The following PABPC4L variants were observed in gnomAD, a reference collection of about 807,000 sequenced individuals.
PABPC4L encodes the protein polyadenylate-binding protein 4-like.
For synonymous variants in PABPC4L, 169 were observed against 164.1 expected, an observed-to-expected ratio of 1.03 and a Z score of -0.23; for missense variants, 452 against 451.4, an observed-to-expected ratio of 1.00 and a Z score of -0.01.
At chr4:134,137,621 T>C in the PABPC4L span, among the ~76,000 whole-genome samples, 1 of 151,934 alleles carries the variant, frequency 6.6e-6, no homozygotes, top group African/African-American at 2.4e-5. Flanking sequence ...AGTTCTTTTT[T>C]ATTCCTTATT....
chr4:134,055,886 C>G, the PABPC4L span, among the ~76,000 whole-genome samples: 1 of 151,892 alleles, frequency 6.6e-6, no homozygotes, highest in Non-Finnish European at 1.5e-5. Context: ...AGACTAAGTA[C>G]TCTGCCTAGC....
At chr4:134,117,862 A>T in the PABPC4L span, among the ~76,000 whole-genome samples, 3 of 151,830 alleles carry the variant, frequency 2.0e-5, no homozygotes, top group Non-Finnish European at 4.4e-5. Flanking sequence ...CTTGCTGCAT[A>T]TGCCAGGAAT....
At chr4:134,162,817 AT>A in the PABPC4L span, among the ~76,000 whole-genome samples, 3 of 152,114 alleles carry the variant, frequency 2.0e-5, no homozygotes, top group Non-Finnish European at 1.5e-5. Flanking sequence ...CAAAATGAAT[AT>A]TAACTGTGAG....
At chr4:133,958,390 T>G in the PABPC4L span, among the ~76,000 whole-genome samples, 1 of 152,178 alleles carries the variant, frequency 6.6e-6, no homozygotes, top group African/African-American at 2.4e-5. Flanking sequence ...AACAAGTCTC[T>G]AGGAAGTTCC....
chr4:133,997,686 C>T, the PABPC4L span, among the ~76,000 whole-genome samples: 9 of 152,124 alleles, frequency 5.9e-5, no homozygotes, highest in Admixed American at 2.0e-4. Flanking sequence ...GATTTCAACT[C>T]TCATGGAATG....
the PABPC4L span, among the ~76,000 whole-genome samples, chr4:134,156,113 T>A: frequency 6.6e-6 from 1 of 152,006 alleles, no homozygotes; most frequent in African/African-American, 2.4e-5. Context: ...TATGTCATTA[T>A]GCAAAATTAC....
At chr4:134,193,206 C>A (rs1195776354), downstream of PABPC4L, among the ~76,000 whole-genome samples, 1 of 151,892 alleles carries the variant, frequency 6.6e-6, no homozygotes, top group East Asian at 1.9e-4. Flanking sequence ...TCCTCCCTAT[C>A]CCCTACTTCA....
At chr4:134,142,942 C>T in the PABPC4L span, among the ~76,000 whole-genome samples, 25 of 151,558 alleles carry the variant, frequency 1.6e-4, no homozygotes, top group South Asian at 2.1e-4. Context: ...CTTGTGGAGC[C>T]GTGGATATGG....
the PABPC4L span, among the ~76,000 whole-genome samples, chr4:134,117,786 A>C: frequency 6.6e-6 from 1 of 151,836 alleles, no homozygotes; most frequent in Non-Finnish European, 1.5e-5. Context: ...AAGTTAGCCC[A>C]TCATGCTGTG....
the PABPC4L span, among the ~76,000 whole-genome samples, chr4:133,986,859 C>T: frequency 9.9e-5 from 15 of 152,076 alleles, no homozygotes; most frequent in East Asian, 2.1e-3. Flanking sequence ...CCTCAGCCTC[C>T]GGAGTAGCTG....
At chr4:133,976,010 G>T in the PABPC4L span, among the ~76,000 whole-genome samples, 1 of 152,176 alleles carries the variant, frequency 6.6e-6, no homozygotes, top group Admixed American at 6.5e-5. Flanking sequence ...GTGCAGGTTT[G>T]TTACATAGGT....
At chr4:134,157,820 C>A in the PABPC4L span, among the ~76,000 whole-genome samples, 3 of 151,554 alleles carry the variant, frequency 2.0e-5, no homozygotes, top group African/African-American at 7.3e-5. Flanking sequence ...CATTTTTATT[C>A]AATAAAACAA....
the PABPC4L span, among the ~76,000 whole-genome samples, chr4:134,068,462 C>A: frequency 7.2e-3 from 1,096 of 152,174 alleles, 14 homozygotes; most frequent in African/African-American, 0.025. Context: ...TTGGATGTTG[C>A]TTCTTTATTC....
chr4:134,135,935 C>A, the PABPC4L span, among the ~76,000 whole-genome samples: 1 of 152,042 alleles, frequency 6.6e-6, no homozygotes, highest in Admixed American at 6.6e-5. Flanking sequence ...ATGGTTTTTA[C>A]CACTTTTTTA....
At chr4:134,042,695 G>T in the PABPC4L span, among the ~76,000 whole-genome samples, 3 of 152,066 alleles carry the variant, frequency 2.0e-5, no homozygotes, top group Admixed American at 2.0e-4. Flanking sequence ...CAGCAGAATA[G>T]AAATTTTAAT....
chr4:134,105,160 G>A, the PABPC4L span, among the ~76,000 whole-genome samples: 259 of 151,694 alleles, frequency 1.7e-3, 2 homozygotes, highest in African/African-American at 5.9e-3. Context: ...AAATGAGGTC[G>A]TTAGTGAAAA....
chr4:134,139,739 G>T, the PABPC4L span, among the ~76,000 whole-genome samples: 1 of 150,742 alleles, frequency 6.6e-6, no homozygotes, highest in Middle Eastern at 3.4e-3. Flanking sequence ...TGCCCAGGCT[G>T]GTCTCAAACT....
chr4:134,171,748 T>C, the PABPC4L span, among the ~76,000 whole-genome samples: 10 of 152,262 alleles, frequency 6.6e-5, no homozygotes, highest in South Asian at 6.2e-4. Flanking sequence ...GATTATGTGA[T>C]GCTATACCTA....
At chr4:134,139,211 C>G in the PABPC4L span, among the ~76,000 whole-genome samples, 1 of 151,836 alleles carries the variant, frequency 6.6e-6, no homozygotes, top group African/African-American at 2.4e-5. Context: ...AGATCCCTAA[C>G]CTTGAAGTGA....
Sources: gnomAD v4.1 joint callset for allele counts (sites outside exome capture counted in the v4.1 genomes callset) on GRCh38, gnomAD v4.1.1 for gene constraint, MANE v1.5 for transcripts, NCBI Gene and HGNC (gene_info 2026-07-23, HGNC 2026-07-21) for gene names.